The following ILDR2 variants were observed in gnomAD, a reference collection of about 807,000 sequenced individuals.
ILDR2 encodes the protein immunoglobulin-like domain-containing receptor 2.
In ILDR2, 25 loss-of-function variants were observed where a neutral mutation model predicts 66.8. The ratio of observed to expected loss-of-function variants is 0.37; its 90% confidence interval spans 0.27 to 0.52. The LOEUF (loss-of-function observed/expected upper bound fraction) is 0.52, where lower values mean the gene tolerates loss of function less well. ILDR2 is among the 20% of genes least tolerant of loss of function. ILDR2 has a pLI of 0.88. For missense variants in ILDR2, 827 were observed against 876.8 expected (o/e 0.94, Z 0.72); for synonymous variants, 367 against 357.2 (o/e 1.03, Z -0.31).
At chr1:166,923,977 A>G (rs1476137833) in intron 7 of ILDR2, among the ~76,000 whole-genome samples, 1 of 152,186 alleles carries the variant, frequency 6.6e-6, no homozygotes, top group Admixed American at 6.5e-5. Context: ...ATGTGGAAAT[A>G]TGTGTCTCAG....
chr1:166,922,486 T>A, intron 8 of ILDR2, 107 bp downstream of exon 8: 1 of 801,262 alleles, frequency 1.2e-6, no homozygotes, highest in Non-Finnish European at 2.1e-6. Context: ...TAACCTGGAA[T>A]GGGAGACAGA....
chr1:166,931,753 T>C (rs1297666478), intron 6 of ILDR2, among the ~76,000 whole-genome samples: 2 of 151,758 alleles, frequency 1.3e-5, no homozygotes, highest in Non-Finnish European at 2.9e-5. Flanking sequence ...ATGAGGGAAG[T>C]GGGGGAGAAG....
At chr1:166,902,252 C>T (rs1659277934) in intron 2 of ILDR2, among the ~76,000 whole-genome samples, 1 of 152,238 alleles carries the variant, frequency 6.6e-6, no homozygotes, top group Non-Finnish European at 1.5e-5. Context: ...TCTCTCTCCC[C>T]ACTTTACAGA....
chr1:166,939,304 ATTT>A (rs1296151335), intron 4 of ILDR2, among the ~76,000 whole-genome samples: 1 of 152,212 alleles, frequency 6.6e-6, no homozygotes, highest in Non-Finnish European at 1.5e-5. Context: ...ATCTCAGCCT[ATTT>A]TTAATTATCA....
chr1:166,949,872 G>A (rs1661865606), intron 3 of ILDR2, among the ~76,000 whole-genome samples: 1 of 152,180 alleles, frequency 6.6e-6, no homozygotes, highest in African/African-American at 2.4e-5. Context: ...AGAGTGCTGG[G>A]AGAAAAGGCA....
In ILDR2 at chr1:166,909,781, T is replaced by TATATATAAATATATATA. The variant is rs1557921377; in HGVS notation, c.*9573_*9574insTATATATATTTATATAT. ...TATAAATATATATAAATATATATAT[T>TATATATAAATATATATA]TATATATATATATATATATATATAT... On this transcript the variant is annotated 3_prime_UTR_variant, in exon 10 of 10. Transcript: ENST00000271417. 2 of 64,246 alleles carry TATATATAAATATATATA rather than the reference T, an allele frequency of 3.1e-5. No homozygotes were observed. The highest frequency in any genetic ancestry group is 1.4e-4 in the African/African-American group (2 of 14,428). 4.0% of individuals were successfully genotyped at this position (64,246 alleles called of 1,614,324 possible).
At position 166,918,907 on chromosome 1, in the gene ILDR2, G is replaced by T. The variant is rs2101843985; in HGVS notation, c.*448C>A. ...TTTTGACTTGAAGCTATCTTCCCTT[G>T]TCAGAAGAAGGCCTTCTAATAGTAG... On this transcript the variant is annotated 3_prime_UTR_variant, in exon 10 of 10. Coordinates refer to ENST00000271417, the MANE Select transcript of ILDR2 (RefSeq NM_199351.3). 4.4e-6 allele frequency: 1 copy of T among 229,826 alleles called. No individual in the cohort carries two copies. The highest frequency in any genetic ancestry group is 2.2e-5 in the African/African-American group (1 of 44,574). 14.2% of individuals were successfully genotyped at this position (229,826 alleles called of 1,614,324 possible).
In ILDR2 at chr1:166,917,282, A is replaced by C. The variant is rs1373594890; in HGVS notation, c.*2073T>G. On this transcript the variant is annotated 3_prime_UTR_variant, in exon 10 of 10. Coordinates refer to ENST00000271417, the MANE Select transcript of ILDR2 (RefSeq NM_199351.3). ...GTAGGTCAATTCTCCAAGCAATGAC[A>C]CATACCAGCTCATCCCTCCGACCCT... is the stretch of plus-strand genomic sequence containing the variant. The C allele has an allele frequency of 6.6e-6, 1 of 152,246 alleles. No individual in the cohort carries two copies. The highest frequency in any genetic ancestry group is 6.5e-5 in the Admixed American group (1 of 15,284). 9.4% of individuals were successfully genotyped at this position (152,246 alleles called of 1,614,324 possible). A position where few individuals can be genotyped will look rare whatever the true frequency, so the allele number is the denominator to read the frequency against.
At chr1:166,938,962 G>T (rs566549995) in intron 4 of ILDR2, among the ~76,000 whole-genome samples, 1 of 152,286 alleles carries the variant, frequency 6.6e-6, no homozygotes, top group Non-Finnish European at 1.5e-5. Flanking sequence ...CATATGGTCC[G>T]TGGACCCATA....
chr1:166,924,430 CTA>C (rs1660151331), intron 7 of ILDR2, among the ~76,000 whole-genome samples: 2 of 152,158 alleles, frequency 1.3e-5, no homozygotes, highest in African/African-American at 4.8e-5. Context: ...TGAGGACGAT[CTA>C]TGTTTCACTA....
chr1:166,916,891 A>C lies in ILDR2; in HGVS notation c.*2464T>G, dbSNP rs2101838476. ...CCAAAATCATACGTCCGTAGCTTTA[A>C]AAAAACATTATTTTTGGTCTCTGCA... is the stretch of plus-strand genomic sequence containing the variant. On this transcript the variant is annotated 3_prime_UTR_variant, in exon 10 of 10. Transcript: ENST00000271417. 1 of 152,312 alleles carries C rather than the reference A, an allele frequency of 6.6e-6. No homozygotes were observed. The highest frequency in any genetic ancestry group is 3.4e-3 in the Middle Eastern group (1 of 294). 9.4% of individuals were successfully genotyped at this position (152,312 alleles called of 1,614,324 possible).
In ILDR2 at chr1:166,935,322, A is replaced by G. The variant is rs760645461; in HGVS notation, c.859T>C (p.Ser287Pro). The G allele has an allele frequency of 1.6e-5, 26 of 1,613,884 alleles. No homozygotes were observed. The highest frequency in any genetic ancestry group is 2.2e-5 in the Non-Finnish European group (26 of 1,180,006). ...TTACCACTGTGGCTTCCTCCAGTGG[A>G]GTCACTTGGTGCCAAGGGAGGTGGA... is the stretch of plus-strand genomic sequence containing the variant. ...PHPPPLAPSD[S>P]TGGSHSVRKG... The change falls in exon 6 of 10, where the codon TCC becomes CCC. Residue 287 changes from serine to proline, a missense_variant. Transcript: ENST00000271417.
At chr1:166,935,238 A>AACAAGGAAC in intron 6 of ILDR2, 63 bp downstream of exon 6, 1 of 1,544,814 alleles carries the variant, frequency 6.5e-7, no homozygotes. Flanking sequence ...TGTTCTTAAC[A>AACAAGGAAC]ACAAGGAACC....
chr1:166,902,976 C>T (rs1659286566), intron 2 of ILDR2, among the ~76,000 whole-genome samples: 3 of 152,148 alleles, frequency 2.0e-5, no homozygotes, highest in African/African-American at 7.2e-5. Flanking sequence ...AAAATACATT[C>T]ATAATCTATC....
At chr1:166,920,565 G>A in intron 9 of ILDR2, 142 bp downstream of exon 9, 4 of 933,810 alleles carry the variant, frequency 4.3e-6, no homozygotes, top group Non-Finnish European at 5.8e-6. Context: ...GGACGAACTC[G>A]CCCAGGCAGG....
intron 7 of ILDR2, among the ~76,000 whole-genome samples, chr1:166,924,360 T>C (rs1660147276): frequency 6.6e-6 from 1 of 152,206 alleles, no homozygotes; most frequent in Non-Finnish European, 1.5e-5. Context: ...ATAGCATTGT[T>C]GGCTCAGAAC....
At chr1:166,933,641 A>C (rs1660768064) in intron 6 of ILDR2, 1 of 578,698 alleles carries the variant, frequency 1.7e-6, no homozygotes, top group Non-Finnish European at 2.2e-6. Context: ...ATGAATAAGA[A>C]CAGTTTTATT....
chr1:166,939,623 C>T (rs1440004604), intron 3 of ILDR2, 53 bp from the exon 4 acceptor site: 2 of 1,527,196 alleles, frequency 1.3e-6, no homozygotes, highest in East Asian at 2.2e-5. Flanking sequence ...CAAGGGAAAA[C>T]ATAGCCTAAA....
intron 4 of ILDR2, among the ~76,000 whole-genome samples, chr1:166,938,245 A>T (rs1661101744): frequency 6.6e-6 from 1 of 152,252 alleles, no homozygotes; most frequent in Non-Finnish European, 1.5e-5. Flanking sequence ...GGTTTAGATG[A>T]GCTGTATGAA....
Sources: allele counts gnomAD v4.1 joint callset (sites outside exome capture counted in the v4.1 genomes callset), GRCh38; gene constraint gnomAD v4.1.1; transcripts MANE v1.5; gene names NCBI Gene and HGNC (gene_info 2026-07-23, HGNC 2026-07-21).